NALF1: variants seen among roughly 807,000 people sequenced by gnomAD.
NALF1 encodes family with sequence similarity 155 member A.
A neutral mutation model predicts 48.4 loss-of-function variants in NALF1; 3 were observed. The ratio of observed to expected loss-of-function variants is 0.06; its 90% CI spans 0.03 to 0.16. The LOEUF (loss-of-function observed/expected upper bound fraction) is 0.16, where lower values mean the gene tolerates loss of function less well. NALF1 is among the 10% of genes least tolerant of loss of function. The probability of loss-of-function intolerance (pLI) is 1.00; values close to 1 mark genes in which losing one functional copy is unlikely to be tolerated. For missense variants in NALF1, 526 were observed against 571.5 expected, an observed-to-expected ratio of 0.92 and a Z score of 0.81; for synonymous variants, 262 against 245.7, an observed-to-expected ratio of 1.07 and a Z score of -0.62.
intron 1 of NALF1, among the ~76,000 whole-genome samples, chr13:107,812,699 T>A (rs915740588): frequency 6.3e-4 from 96 of 152,336 alleles, no homozygotes; most frequent in African/African-American, 2.3e-3. Flanking sequence ...GAGTCTGTTT[T>A]CAAACAGTAT....
intron 1 of NALF1, among the ~76,000 whole-genome samples, chr13:107,273,719 C>T (rs2138866254): frequency 6.6e-6 from 1 of 152,290 alleles, no homozygotes; most frequent in South Asian, 2.1e-4. Context: ...ACTACACATA[C>T]TGTTTGAGTA....
intron 1 of NALF1, among the ~76,000 whole-genome samples, chr13:107,744,419 C>G (rs1184970129): frequency 6.6e-6 from 1 of 152,090 alleles, no homozygotes; most frequent in Non-Finnish European, 1.5e-5. Flanking sequence ...AAAATGATAT[C>G]CCCAAGCCCG....
chr13:107,241,654 C>T lies in NALF1; in HGVS notation c.916-30899G>A, dbSNP rs1880473493. ...GCAAAGCCCTTACAGCAGTGTCTGG[C>T]GTACACTGGGTGTCTGTACTGCAGT... On this transcript the variant is annotated intron_variant, in intron 1 of 2. Coordinates refer to ENST00000375915, the MANE Select transcript of NALF1 (RefSeq NM_001080396.3). Among the ~76,000 whole-genome samples, 4 of 152,290 alleles carry T rather than the reference C, an allele frequency of 2.6e-5. 1 individual carries two copies. Among genetic ancestry groups the T allele is most frequent in the Middle Eastern group, 6.8e-3 (2 of 294 alleles).
intron 2 of NALF1, among the ~76,000 whole-genome samples, chr13:107,196,486 T>TA (rs1879395487): frequency 6.6e-6 from 1 of 152,130 alleles, no homozygotes; most frequent in African/African-American, 2.4e-5. Context: ...TATATAAGAA[T>TA]ATAACATAGA....
At chr13:107,729,359 T>C (rs1420157073) in intron 1 of NALF1, among the ~76,000 whole-genome samples, 1 of 152,124 alleles carries the variant, frequency 6.6e-6, no homozygotes, top group Admixed American at 6.5e-5. Flanking sequence ...CTTCCTCCTT[T>C]AGCTCTAAAA....
chr13:107,227,906 C>T (rs958844012), intron 1 of NALF1, among the ~76,000 whole-genome samples: 13 of 152,252 alleles, frequency 8.5e-5, no homozygotes, highest in African/African-American at 2.9e-4. Context: ...CAAGACTTTG[C>T]TAATAATAAA....
In NALF1 at chr13:107,224,483, A is replaced by G. The variant is rs1218792996; in HGVS notation, c.916-13728T>C. On this transcript the variant is annotated intron_variant, in intron 1 of 2. Coordinates refer to ENST00000375915, the MANE Select transcript of NALF1 (RefSeq NM_001080396.3). Reference sequence around the variant, plus strand: ...TATAATACAAATTACATATATTTATATTTTCAGCCCCAAATTGGCAATTGG... The same window carrying G: ...TATAATACAAATTACATATATTTATGTTTTCAGCCCCAAATTGGCAATTGG... Among the ~76,000 whole-genome samples, 3 of 149,828 alleles carry G rather than the reference A, an allele frequency of 2.0e-5. No homozygotes were observed. In the East Asian group the frequency reaches 5.8e-4, roughly 29 times the overall value.
chr13:107,314,694 C>T (rs972190836), intron 1 of NALF1, among the ~76,000 whole-genome samples: 4 of 152,152 alleles, frequency 2.6e-5, no homozygotes, highest in African/African-American at 4.8e-5. Flanking sequence ...TGAGCTCATC[C>T]CACAGGGTTT....
chr13:107,664,400 C>A (rs1452967436), intron 1 of NALF1, among the ~76,000 whole-genome samples: 2 of 152,120 alleles, frequency 1.3e-5, no homozygotes, highest in South Asian at 4.1e-4. Flanking sequence ...ACTCTTGCTA[C>A]GCTTTCCTCA....
intron 1 of NALF1, among the ~76,000 whole-genome samples, chr13:107,841,881 C>A (rs766422268): frequency 7.3e-5 from 11 of 151,484 alleles, no homozygotes; most frequent in Non-Finnish European, 1.6e-4. Flanking sequence ...GAAAATCATA[C>A]GGAGAAATAT....
intron 1 of NALF1, among the ~76,000 whole-genome samples, chr13:107,675,352 T>C (rs1341329652): frequency 1.3e-5 from 2 of 152,128 alleles, no homozygotes; most frequent in Non-Finnish European, 2.9e-5. Context: ...ATAGATGGCA[T>C]CACCGCCCAG....
At chr13:107,509,561 C>G (rs186319151) in intron 1 of NALF1, among the ~76,000 whole-genome samples, 1 of 152,224 alleles carries the variant, frequency 6.6e-6, no homozygotes, top group East Asian at 1.9e-4. Flanking sequence ...CACAATGTCT[C>G]TTTTACAATG....
intron 2 of NALF1, among the ~76,000 whole-genome samples, chr13:107,209,829 G>T (rs1204471567): frequency 6.6e-6 from 1 of 152,074 alleles, no homozygotes. Flanking sequence ...AGAAGAGAAT[G>T]CAGAGCCACC....
intron 1 of NALF1, among the ~76,000 whole-genome samples, chr13:107,369,564 G>T (rs1337502976): frequency 6.6e-6 from 1 of 151,950 alleles, no homozygotes; most frequent in African/African-American, 2.4e-5. Flanking sequence ...ATAAATTAAA[G>T]ATTTAAAACC....
intron 1 of NALF1, among the ~76,000 whole-genome samples, chr13:107,609,063 A>G (rs1210281489): frequency 6.6e-6 from 1 of 152,122 alleles, no homozygotes; most frequent in Non-Finnish European, 1.5e-5. Flanking sequence ...GGGAGGAAAG[A>G]AGACTACCTT....
chr13:107,310,832 C>A (rs558456405), intron 1 of NALF1, among the ~76,000 whole-genome samples: 2 of 152,152 alleles, frequency 1.3e-5, no homozygotes, highest in African/African-American at 4.8e-5. Flanking sequence ...CACCCACCAC[C>A]ACACCTGGCT....
chr13:107,776,490 C>T (rs1412417383), intron 1 of NALF1, among the ~76,000 whole-genome samples: 5 of 152,140 alleles, frequency 3.3e-5, no homozygotes, highest in African/African-American at 4.8e-5. Flanking sequence ...AGCATGACAA[C>T]GCGGTGAACA....
chr13:107,469,654 T>A (rs1350029560), intron 1 of NALF1, among the ~76,000 whole-genome samples: 1 of 152,058 alleles, frequency 6.6e-6, no homozygotes, highest in African/African-American at 2.4e-5. Context: ...AAGTTTTTTT[T>A]ATGTTTTAAT....
intron 1 of NALF1, among the ~76,000 whole-genome samples, chr13:107,435,735 T>C (rs1371603617): frequency 1.3e-5 from 2 of 151,052 alleles, no homozygotes; most frequent in African/African-American, 4.9e-5. Flanking sequence ...TTTTGATAAG[T>C]ATTTACATCT....
Sources: allele counts gnomAD v4.1 joint callset (sites outside exome capture counted in the v4.1 genomes callset), GRCh38; gene constraint gnomAD v4.1.1; transcripts MANE v1.5; gene names NCBI Gene and HGNC (gene_info 2026-07-23, HGNC 2026-07-21).